Variants in CENPK observed in about 807,000 individuals in gnomAD.
The protein encoded by CENPK is centromere protein K.
Under a neutral mutation model 40.9 loss-of-function variants are expected in CENPK, and 46 were observed. That is an observed-to-expected ratio of 1.13 (90% confidence interval 0.89 to 1.44). The LOEUF (loss-of-function observed/expected upper bound fraction) is 1.44. CENPK is among the 40% of genes most tolerant of loss of function. CENPK has a pLI of 0.00. For synonymous variants in CENPK, 107 were observed against 104.4 expected (o/e 1.02, Z -0.15); for missense variants, 288 against 303.5 (o/e 0.95, Z 0.38).
At chr5:65,558,017 T>C (rs554595738) in intron 2 of CENPK, among the ~76,000 whole-genome samples, 8 of 152,152 alleles carry the variant, frequency 5.3e-5, no homozygotes, top group African/African-American at 1.9e-4. Context: ...GGTGAGAGGA[T>C]CACTTGAGCC....
chr5:65,548,894 T>G (rs1321796859), intron 5 of CENPK, among the ~76,000 whole-genome samples: 1 of 152,138 alleles, frequency 6.6e-6, no homozygotes, highest in Non-Finnish European at 1.5e-5. Context: ...ACCAACCTCT[T>G]GCACACTCCT....
At chr5:65,510,542 A>G in the CENPK span, among the ~76,000 whole-genome samples, 18 of 152,196 alleles carry the variant, frequency 1.2e-4, no homozygotes, top group African/African-American at 4.3e-4. Context: ...TGGGAGGCCG[A>G]GAAGGGCAGA....
chr5:65,501,836 G>T, the CENPK span, among the ~76,000 whole-genome samples: 2 of 152,218 alleles, frequency 1.3e-5, no homozygotes, highest in Non-Finnish European at 2.9e-5. Context: ...CCTTGTTACT[G>T]ATTGCCAGGT....
chr5:65,547,294 G>T (rs1749172210), intron 5 of CENPK, among the ~76,000 whole-genome samples: 2 of 151,764 alleles, frequency 1.3e-5, no homozygotes, highest in South Asian at 4.2e-4. Context: ...TCGGGAGACT[G>T]AGGCACAAGA....
At chr5:65,521,681 A>G (rs528329780) in intron 9 of CENPK, among the ~76,000 whole-genome samples, 153 bp from the exon 10 acceptor site, 74 of 152,042 alleles carry the variant, frequency 4.9e-4, no homozygotes, top group Non-Finnish European at 9.0e-4. Flanking sequence ...GTTCACTGCA[A>G]CCTCCGCCTC....
intron 3 of CENPK, 84 bp downstream of exon 3, chr5:65,554,713 C>T: frequency 1.3e-6 from 1 of 786,836 alleles, no homozygotes. Context: ...GAAACTAGCA[C>T]AATCATTTCT....
chr5:65,497,751 T>A, the CENPK span, among the ~76,000 whole-genome samples: 1 of 152,186 alleles, frequency 6.6e-6, no homozygotes, highest in Non-Finnish European at 1.5e-5. Context: ...ACGCCTGTAA[T>A]TCCAGCACTT....
At position 65,529,274 on chromosome 5, in the gene CENPK, A is replaced by G. The variant is rs529733703; in HGVS notation, c.289-75T>C. 3.2e-4 allele frequency: 324 copies of G among 997,418 alleles called. 3 individuals are homozygous for G. The East Asian group carries it at 4.1e-3, about 13-fold the overall frequency. The allele number at this position is 997,418 out of a possible 1,614,324, so 61.8% of individuals were successfully genotyped here. A position where few individuals can be genotyped will look rare whatever the true frequency, so the allele number is the denominator to read the frequency against. On this transcript the variant is annotated intron_variant, in intron 6 of 10. Transcript: ENST00000396679. Reference sequence around the variant, plus strand: ...ATTTCTGAACGATAGTCAAATTTACACAGTGGTCCAGGATACTTCCATTCA... The same window carrying G: ...ATTTCTGAACGATAGTCAAATTTACGCAGTGGTCCAGGATACTTCCATTCA...
intron 5 of CENPK, among the ~76,000 whole-genome samples, chr5:65,546,530 T>G (rs951240425): frequency 2.4e-4 from 37 of 152,342 alleles, no homozygotes; most frequent in Admixed American, 1.2e-3. Context: ...TATATAGATT[T>G]GTAAATTGTT....
intron 1 of CENPK, chr5:65,562,876 C>G (rs1434185768): frequency 6.4e-6 from 1 of 156,190 alleles, no homozygotes; most frequent in Non-Finnish European, 1.4e-5. Flanking sequence ...GAAAGGAAAC[C>G]CGCGAGTTAA....
Position 65,554,812 on chromosome 5 carries a change from C to T in CENPK, c.96G>A (p.Trp32Ter), listed in dbSNP as rs1750714903. The T allele has an allele frequency of 2.6e-6, 4 of 1,560,582 alleles. No homozygotes were observed. Among genetic ancestry groups the T allele is most frequent in the Non-Finnish European group, 3.5e-6 (4 of 1,132,022 alleles). ...EELIRECEEM[W>*]KDMEECQNKL... Reference sequence around the variant, plus strand: ...TGAAACTTACTTCTTCCATATCTTTCCACATTTCTTCACATTCTCTAATAA... The same window carrying T: ...TGAAACTTACTTCTTCCATATCTTTTCACATTTCTTCACATTCTCTAATAA... The change falls in exon 3 of 11, where the codon TGG (tryptophan) becomes TGA (stop). Residue 32 changes from tryptophan to a stop codon, truncating the protein, a stop_gained. Coordinates refer to ENST00000396679, the MANE Select transcript of CENPK (RefSeq NM_022145.5). LOFTEE classifies it high-confidence loss of function.
At chr5:65,495,784 C>T in the CENPK span, among the ~76,000 whole-genome samples, 123 of 152,168 alleles carry the variant, frequency 8.1e-4, 1 homozygote, top group Non-Finnish European at 9.0e-4. Flanking sequence ...AAAAAAAGTT[C>T]CATCTCACTT....
At chr5:65,540,118 T>C (rs1459617148) in intron 6 of CENPK, among the ~76,000 whole-genome samples, 2 of 152,238 alleles carry the variant, frequency 1.3e-5, no homozygotes, top group African/African-American at 4.8e-5. Context: ...ACAGCCTTTC[T>C]CATTCTTTAC....
chr5:65,549,481 A>AT (rs1749599583), intron 5 of CENPK, among the ~76,000 whole-genome samples: 1 of 152,192 alleles, frequency 6.6e-6, no homozygotes, highest in Non-Finnish European at 1.5e-5. Flanking sequence ...CTCTCTAACT[A>AT]TAAGAGTCCT....
At chr5:65,508,307 A>G in the CENPK span, among the ~76,000 whole-genome samples, 4 of 152,276 alleles carry the variant, frequency 2.6e-5, no homozygotes, top group Admixed American at 2.6e-4. Flanking sequence ...CTTTTCTTCT[A>G]TGTTTATTAG....
chr5:65,508,874 C>T, the CENPK span, among the ~76,000 whole-genome samples: 1 of 150,552 alleles, frequency 6.6e-6, no homozygotes, highest in Non-Finnish European at 1.5e-5. Flanking sequence ...TTAGATACGG[C>T]ACCAAAAACA....
downstream of CENPK, among the ~76,000 whole-genome samples, chr5:65,515,944 A>C (rs967719118): frequency 6.6e-6 from 1 of 152,176 alleles, no homozygotes; most frequent in Admixed American, 6.5e-5. Context: ...CAGCATAGTC[A>C]ATTTCTGGGG....
chr5:65,523,612 T>G (rs1744160549), intron 9 of CENPK, among the ~76,000 whole-genome samples: 1 of 152,172 alleles, frequency 6.6e-6, no homozygotes, highest in African/African-American at 2.4e-5. Context: ...ATTATAGTAT[T>G]GATTAATAAA....
intron 3 of CENPK, among the ~76,000 whole-genome samples, chr5:65,553,899 T>C (rs1029744224): frequency 2.6e-5 from 4 of 152,208 alleles, no homozygotes; most frequent in Non-Finnish European, 5.9e-5. Context: ...GTCACTTCCA[T>C]ACTTAAAATC....
Sources: allele counts gnomAD v4.1 joint callset (sites outside exome capture counted in the v4.1 genomes callset), GRCh38; gene constraint gnomAD v4.1.1; transcripts MANE v1.5; gene names NCBI Gene and HGNC (gene_info 2026-07-23, HGNC 2026-07-21).